Variants in ARHGAP6 observed in about 807,000 individuals in gnomAD.
The protein encoded by ARHGAP6 is Rho GTPase activating protein 6.
A neutral mutation model predicts 55.7 loss-of-function variants in ARHGAP6; 16 were observed. The observed-to-expected ratio is 0.29, with a 90% CI of 0.19 to 0.44. ARHGAP6 has a LOEUF of 0.44. ARHGAP6 is among the 20% of genes least tolerant of loss of function. The probability of loss-of-function intolerance (pLI) is 1.00; values close to 1 mark genes in which losing one functional copy is unlikely to be tolerated. For synonymous variants in ARHGAP6, 382 were observed against 360.9 expected (o/e 1.06, Z -0.66); for missense variants, 698 against 808.9 (o/e 0.86, Z 1.66).
intron 1 of ARHGAP6, among the ~76,000 whole-genome samples, chrX:11,590,852 A>AAGGAAGG (rs1356821602): frequency 2.2e-5 from 1 of 45,544 alleles, no homozygotes; most frequent in East Asian, 1.0e-3. Flanking sequence ...AAAAGAAAAG[A>AAGGAAGG]AAAGAAAAGA....
At chrX:11,341,922 A>G (rs1447325553) in intron 1 of ARHGAP6, among the ~76,000 whole-genome samples, 1 of 111,451 alleles carries the variant, frequency 9.0e-6, no homozygotes, top group African/African-American at 3.3e-5. Context: ...AAGTAAGCAC[A>G]TGACATACGA....
intron 12 of ARHGAP6, among the ~76,000 whole-genome samples, chrX:11,141,899 T>C (rs1197337337): frequency 1.8e-5 from 2 of 112,430 alleles, no homozygotes; most frequent in African/African-American, 3.2e-5. Flanking sequence ...AATGACTTAG[T>C]ATTGGTTTGT....
chrX:11,297,603 G>T (rs1005530260), intron 1 of ARHGAP6, among the ~76,000 whole-genome samples: 1 of 111,892 alleles, frequency 8.9e-6, no homozygotes, highest in Non-Finnish European at 1.9e-5. Context: ...ATACTGTTCA[G>T]AAAGGAATAA....
chrX:11,369,770 A>C (rs1165109230), intron 1 of ARHGAP6, among the ~76,000 whole-genome samples: 2 of 112,217 alleles, frequency 1.8e-5, no homozygotes, highest in Admixed American at 1.9e-4. Context: ...TTCTCTGCCC[A>C]GTTCTTCCCT....
At chrX:11,648,407 G>T (rs1415050943) in intron 1 of ARHGAP6, among the ~76,000 whole-genome samples, 1 of 111,893 alleles carries the variant, frequency 8.9e-6, no homozygotes, top group Non-Finnish European at 1.9e-5. Context: ...AAACTACATT[G>T]TATCATAATT....
At chrX:11,541,089 T>C (rs11796889) in intron 1 of ARHGAP6, among the ~76,000 whole-genome samples, 9,027 of 111,982 alleles carry the variant, frequency 0.081, 351 homozygotes, top group Non-Finnish European at 0.12. Flanking sequence ...AACAGATCAG[T>C]AGACAATTGC....
rs772039596 is a variant in ARHGAP6 at position 11,538,183 on chromosome X, A to T, written c.588+126058T>A. 5.3e-5 allele frequency among the ~76,000 whole-genome samples: 6 copies of T among 112,265 alleles called. No homozygotes were observed. In the South Asian group the frequency reaches 2.2e-3, roughly 42 times the overall value. ...AACAAAAATCAACTATATCATGATA[A>T]CAGCAACTTTTGATCTTTTTAAATA... On this transcript the variant is annotated intron_variant, in intron 1 of 12. Transcript: ENST00000337414.
Position 11,590,869 on chromosome X carries a change from G to GAAAGAAGGAAAGAAAGAAAGAAA in ARHGAP6, c.588+73371_588+73372insTTTCTTTCTTTCTTTCCTTCTTT, listed in dbSNP as rs2051813205. On this transcript the variant is annotated intron_variant, in intron 1 of 12. Coordinates refer to ENST00000337414, the MANE Select transcript of ARHGAP6 (RefSeq NM_013427.3). The stretch of plus-strand genomic sequence containing the variant: ...AAGAAAAGAAAAGAAAAGAAAAGAA[G>GAAAGAAGGAAAGAAAGAAAGAAA]GAAAGAAAGAAAGAAAGAAAGAAAG... 6.2e-4 allele frequency among the ~76,000 whole-genome samples: 15 copies of GAAAGAAGGAAAGAAAGAAAGAAA among 24,218 alleles called. 5 individuals carry two copies. The highest frequency in any genetic ancestry group is 2.8e-3 in the African/African-American group (13 of 4,710). 21.0% of individuals were successfully genotyped at this position (24,218 alleles called of 115,157 possible). A position where few individuals can be genotyped will look rare whatever the true frequency, so the allele number is the denominator to read the frequency against.
intron 1 of ARHGAP6, among the ~76,000 whole-genome samples, chrX:11,635,822 G>A (rs544756367): frequency 7.1e-4 from 79 of 111,943 alleles, no homozygotes; most frequent in African/African-American, 2.3e-3. Flanking sequence ...TTTGGGCGTT[G>A]CAATATACCT....
chrX:11,246,109 G>T (rs2047349292), intron 2 of ARHGAP6, among the ~76,000 whole-genome samples: 1 of 110,721 alleles, frequency 9.0e-6, no homozygotes, highest in Non-Finnish European at 1.9e-5. Context: ...GTAGGTAGGG[G>T]TTCTATGACT....
intron 1 of ARHGAP6, among the ~76,000 whole-genome samples, chrX:11,324,892 C>T (rs934897217): frequency 8.9e-6 from 1 of 112,523 alleles, no homozygotes; most frequent in Admixed American, 9.3e-5. Flanking sequence ...TGCTCTGTCG[C>T]CCAGGCCGGA....
chrX:11,273,324 A>G (rs781429965), intron 1 of ARHGAP6, among the ~76,000 whole-genome samples: 1 of 109,776 alleles, frequency 9.1e-6, no homozygotes, highest in Admixed American at 9.7e-5. Context: ...TTAATGAGTC[A>G]TTTTTCTTGA....
chrX:11,458,369 G>C (rs1032297291), intron 1 of ARHGAP6, among the ~76,000 whole-genome samples: 1 of 112,259 alleles, frequency 8.9e-6, no homozygotes, highest in African/African-American at 3.2e-5. Context: ...GAATTGGCTT[G>C]GCATAAGCCA....
chrX:11,374,780 A>G (rs188730720), intron 1 of ARHGAP6, among the ~76,000 whole-genome samples: 1 of 112,061 alleles, frequency 8.9e-6, no homozygotes, highest in East Asian at 2.8e-4. Flanking sequence ...CCACACAGGA[A>G]CCTAAGTGAT....
chrX:11,663,753 C>G (rs939040631), intron 1 of ARHGAP6, among the ~76,000 whole-genome samples: 1 of 111,801 alleles, frequency 8.9e-6, no homozygotes, highest in Non-Finnish European at 1.9e-5. Flanking sequence ...GAATTCTTGT[C>G]CCCCCTGCCA....
chrX:11,154,455 CAA>C (rs1475587202), intron 10 of ARHGAP6, among the ~76,000 whole-genome samples: 1 of 112,413 alleles, frequency 8.9e-6, no homozygotes, highest in Non-Finnish European at 1.9e-5. Flanking sequence ...CATTTATATG[CAA>C]AGAGTGTATT....
intron 2 of ARHGAP6, among the ~76,000 whole-genome samples, chrX:11,208,449 C>T (rs1415517836): frequency 9.0e-6 from 1 of 111,711 alleles, no homozygotes; most frequent in Non-Finnish European, 1.9e-5. Context: ...AGGATCTGCA[C>T]ATTTTAGGAA....
chrX:11,506,453 A>G (rs1202808449), intron 1 of ARHGAP6, among the ~76,000 whole-genome samples: 1 of 104,221 alleles, frequency 9.6e-6, no homozygotes, highest in Non-Finnish European at 1.9e-5. Context: ...ATGTGTTCTC[A>G]TTGTTCAACT....
intron 1 of ARHGAP6, among the ~76,000 whole-genome samples, chrX:11,373,296 G>A (rs1290766878): frequency 9.2e-6 from 1 of 109,032 alleles, no homozygotes; most frequent in Non-Finnish European, 1.9e-5. Flanking sequence ...ATGTAAAACA[G>A]GAGATCTTGT....
Sources: gnomAD v4.1 joint callset for allele counts (sites outside exome capture counted in the v4.1 genomes callset) on GRCh38, gnomAD v4.1.1 for gene constraint, MANE v1.5 for transcripts, NCBI Gene and HGNC (gene_info 2026-07-23, HGNC 2026-07-21) for gene names.